The following AKT2 variants were observed in gnomAD, a reference collection of about 807,000 sequenced individuals.
AKT2 encodes the protein AKT serine/threonine kinase 2.
In AKT2, 16 loss-of-function variants were observed where a neutral mutation model predicts 58.6. The observed-to-expected ratio is 0.27, with a 90% confidence interval of 0.18 to 0.41. AKT2 has a LOEUF of 0.41. AKT2 is among the 10% of genes least tolerant of loss of function. The probability of loss-of-function intolerance (pLI) is 1.00; values close to 1 mark genes in which losing one functional copy is unlikely to be tolerated. For missense variants in AKT2, 438 were observed against 661.0 expected, an observed-to-expected ratio of 0.66 and a Z score of 3.70; for synonymous variants, 253 against 254.0, an observed-to-expected ratio of 1.00 and a Z score of 0.04.
intron 6 of AKT2, chr19:40,241,525 G>T: frequency 3.7e-6 from 1 of 266,774 alleles, no homozygotes; most frequent in Admixed American, 5.0e-5. Context: ...TTAAATTTTT[G>T]AATGTCTTTG....
At chr19:40,255,022 G>C (rs1975436146) in intron 4 of AKT2, 136 bp downstream of exon 4, 20 of 701,230 alleles carry the variant, frequency 2.9e-5, no homozygotes, top group South Asian at 2.8e-4. Flanking sequence ...GCCCCAGCTG[G>C]AGAGACCCCC....
chr19:40,267,465 T>G (rs1976439259), intron 1 of AKT2, among the ~76,000 whole-genome samples: 1 of 152,108 alleles, frequency 6.6e-6, no homozygotes, highest in Non-Finnish European at 1.5e-5. Context: ...CTTCTGGGCG[T>G]TCTTCTCTCT....
In AKT2 at chr19:40,238,231, C is replaced by T; in HGVS notation, c.709-140G>A. The T allele has an allele frequency of 4.2e-6, 5 of 1,182,976 alleles. No homozygotes were observed. The South Asian group carries it at 7.1e-5, about 17-fold the overall frequency. 73.3% of individuals were successfully genotyped at this position (1,182,976 alleles called of 1,614,324 possible). On this transcript the variant is annotated intron_variant, in intron 8 of 13. Coordinates refer to ENST00000392038, the MANE Select transcript of AKT2 (RefSeq NM_001626.6). This position sits in a 1 kb window ranked among gnomAD's most constrained non-coding sequence, Gnocchi z 5.1. ...GCAAGTGACAGCTAGAGGGACCAAT[C>T]AAGGCAGAGCGCAGAAGCTCATAAG... is the stretch of plus-strand genomic sequence containing the variant.
rs551242369 is a variant in AKT2 at position 40,234,650 on chromosome 19, C to T, written c.1366+395G>A. The T allele has an allele frequency of 1.0e-3, 575 of 555,494 alleles. 5 individuals carry two copies. The South Asian group carries it at 0.014, about 13-fold the overall frequency. 34.4% of individuals were successfully genotyped at this position (555,494 alleles called of 1,614,324 possible). ...CGCCCTAGCCCTGACCACTCCAGGC[C>T]GCCCACCCTACCTGGGCTGGGAGCT... On this transcript the variant is annotated intron_variant, in intron 13 of 13. Transcript: ENST00000392038. This position sits in a 1 kb window ranked among gnomAD's most constrained non-coding sequence, Gnocchi z 4.7.
rs1410444072 is a variant in AKT2 at position 40,235,778 on chromosome 19, G to A, written c.1175+112C>T. On this transcript the variant is annotated intron_variant, in intron 11 of 13. Transcript: ENST00000392038. This position sits in a 1 kb window ranked among gnomAD's most constrained non-coding sequence, Gnocchi z 6.3. ...ACGTTTTCAGGGGCTGTGTGGGGAC[G>A]ACACACTGCGACCCTACAAGCGAGC... is the stretch of plus-strand genomic sequence containing the variant. The A allele has an allele frequency of 3.2e-5, 36 of 1,137,832 alleles. No homozygotes were observed. Among genetic ancestry groups the A allele is most frequent in the Middle Eastern group, 2.9e-4 (1 of 3,394 alleles). 70.5% of individuals were successfully genotyped at this position (1,137,832 alleles called of 1,614,324 possible). A position where few individuals can be genotyped will look rare whatever the true frequency, so the allele number is the denominator to read the frequency against.
chr19:40,231,642 G>A lies in AKT2; in HGVS notation c.*2230C>T, dbSNP rs940169054. On this transcript the variant is annotated 3_prime_UTR_variant, in exon 14 of 14. Transcript: ENST00000392038. The stretch of plus-strand genomic sequence containing the variant: ...GCTCAGCAGGGCAGGCCAGGGCTCT[G>A]GTCCCTGGTCCCTTGCTGGGGGAGG... 8.6e-6 allele frequency: 2 copies of A among 233,280 alleles called. No homozygotes were observed. Among genetic ancestry groups the A allele is most frequent in the Non-Finnish European group, 1.7e-5 (2 of 118,128 alleles). The allele number at this position is 233,280 out of a possible 1,614,324, so 14.5% of individuals were successfully genotyped here. A position where few individuals can be genotyped will look rare whatever the true frequency, so the allele number is the denominator to read the frequency against.
intron 1 of AKT2, among the ~76,000 whole-genome samples, chr19:40,281,202 G>A (rs749489559): frequency 2.0e-5 from 3 of 152,172 alleles, no homozygotes; most frequent in Non-Finnish European, 4.4e-5. Context: ...AGCTGTGGTG[G>A]GCTGGGAACC....
At position 40,238,880 on chromosome 19, in the gene AKT2, C is replaced by A. The variant is rs1244598432; in HGVS notation, c.708+25G>T. On this transcript the variant is annotated intron_variant, in intron 8 of 13. Coordinates refer to ENST00000392038, the MANE Select transcript of AKT2 (RefSeq NM_001626.6). The surrounding 1 kb of genome is among the most constrained non-coding windows in gnomAD (Gnocchi z 5.1). ...CCCTAAAGAAGGAGGCCCCAGAGGG[C>A]AAAGTCAAGGCAGCCGCGGCTCACC... 2 of 1,613,676 alleles carry A rather than the reference C, an allele frequency of 1.2e-6. No individual in the cohort carries two copies. Among genetic ancestry groups the A allele is most frequent in the Non-Finnish European group, 1.7e-6 (2 of 1,179,688 alleles).
intron 3 of AKT2, 28 bp downstream of exon 3, chr19:40,256,898 A>G (rs1181597604): frequency 6.2e-7 from 1 of 1,613,610 alleles, no homozygotes; most frequent in African/African-American, 1.3e-5. Context: ...GAGCACCAGA[A>G]CACTGACCCA....
chr19:40,242,726 C>A lies in AKT2; in HGVS notation c.288-39G>T, dbSNP rs17846838. On this transcript the variant is annotated intron_variant, in intron 4 of 13. Coordinates refer to ENST00000392038, the MANE Select transcript of AKT2 (RefSeq NM_001626.6). This position sits in a 1 kb window ranked among gnomAD's most constrained non-coding sequence, Gnocchi z 4.3. ...CACGTGAGTCCCAGCAGCCAGGAGT[C>A]CTGGGCCTCAGAGTCGAACAGCTGA... is the stretch of plus-strand genomic sequence containing the variant. 201 of 1,605,250 alleles carry A rather than the reference C, an allele frequency of 1.3e-4. 2 individuals are homozygous for A. In the East Asian group the frequency reaches 3.2e-3, roughly 25 times the overall value.
intron 1 of AKT2, among the ~76,000 whole-genome samples, chr19:40,277,265 T>C (rs1353873678): frequency 6.6e-6 from 1 of 152,190 alleles, no homozygotes; most frequent in Non-Finnish European, 1.5e-5. Context: ...ATTTCCAACA[T>C]GCCCCTACTA....
intron 4 of AKT2, among the ~76,000 whole-genome samples, chr19:40,244,627 A>C (rs1393534556): frequency 1.3e-5 from 2 of 152,198 alleles, no homozygotes; most frequent in Non-Finnish European, 2.9e-5. Flanking sequence ...AAATACTCAT[A>C]TGACCAACAA....
At chr19:40,282,753 T>C (rs1272621234) in intron 1 of AKT2, 2 of 321,074 alleles carry the variant, frequency 6.2e-6, no homozygotes, top group African/African-American at 4.5e-5. Flanking sequence ...AGGCAATTCT[T>C]CCTCTGAACT....
intron 1 of AKT2, among the ~76,000 whole-genome samples, chr19:40,280,324 C>T (rs1299647635): frequency 6.6e-6 from 1 of 152,208 alleles, no homozygotes; most frequent in Non-Finnish European, 1.5e-5. Flanking sequence ...CTAAAAGTAA[C>T]AGCCACGGGC....
At position 40,242,349 on chromosome 19, in the gene AKT2, C is replaced by T. The variant is rs939858916; in HGVS notation, c.441+185G>A. Reference sequence around the variant, plus strand: ...TGCAGTGGGTCCACCCAAGGTTGCTCCCTCCCCTACGGGCATGGAGCACAC... The same window carrying T: ...TGCAGTGGGTCCACCCAAGGTTGCTTCCTCCCCTACGGGCATGGAGCACAC... On this transcript the variant is annotated intron_variant, in intron 5 of 13. Transcript: ENST00000392038. This position sits in a 1 kb window ranked among gnomAD's most constrained non-coding sequence, Gnocchi z 4.3. 2.4e-5 allele frequency: 25 copies of T among 1,025,298 alleles called. No homozygotes were observed. In the East Asian group the frequency reaches 6.0e-4, roughly 25 times the overall value. The allele number at this position is 1,025,298 out of a possible 1,614,324, so 63.5% of individuals were successfully genotyped here.
At chr19:40,272,521 CCT>C (rs909921127) in intron 1 of AKT2, among the ~76,000 whole-genome samples, 1 of 152,186 alleles carries the variant, frequency 6.6e-6, no homozygotes, top group African/African-American at 2.4e-5. Context: ...AGGCGGGATG[CCT>C]TTTCTGAAAC....
Position 40,233,597 on chromosome 19 carries a change from A to C in AKT2, c.*275T>G. 2.8e-6 allele frequency: 2 copies of C among 716,842 alleles called. No individual in the cohort carries two copies. Among genetic ancestry groups the C allele is most frequent in the East Asian group, 2.6e-5 (1 of 37,758 alleles). The allele number at this position is 716,842 out of a possible 1,614,324, so 44.4% of individuals were successfully genotyped here. On this transcript the variant is annotated 3_prime_UTR_variant, in exon 14 of 14. Coordinates refer to ENST00000392038, the MANE Select transcript of AKT2 (RefSeq NM_001626.6). The surrounding 1 kb of genome is among the most constrained non-coding windows in gnomAD (Gnocchi z 4.3). Reference sequence around the variant, plus strand: ...CCCCTCACTGGGGCTTGTGTGGATTAAAACCTGAATCTCCAACCGCCCAAC... The same window carrying C: ...CCCCTCACTGGGGCTTGTGTGGATTCAAACCTGAATCTCCAACCGCCCAAC...
At chr19:40,274,601 G>A (rs1000110581) in intron 1 of AKT2, 2 of 183,320 alleles carry the variant, frequency 1.1e-5, no homozygotes, top group Non-Finnish European at 2.4e-5. Flanking sequence ...AAAGGGAGCA[G>A]GGGTTTCCGA....
rs916688993 is a variant in AKT2, at chr19:40,242,758, C to T, written c.288-71G>A. On this transcript the variant is annotated intron_variant, in intron 4 of 13. Transcript: ENST00000392038. The surrounding 1 kb of genome is among the most constrained non-coding windows in gnomAD (Gnocchi z 4.3). ...CTCAGAGTCGAACAGCTGAGTGCCA[C>T]CTCCCAGCCACCCCCAGCAACAGGC... The T allele has an allele frequency of 1.3e-6, 2 of 1,546,436 alleles. No individual in the cohort carries two copies. The highest frequency in any genetic ancestry group is 2.7e-5 in the African/African-American group (2 of 73,572).
Sources: gnomAD v4.1 joint callset for allele counts (sites outside exome capture counted in the v4.1 genomes callset) on GRCh38, gnomAD v4.1.1 for gene constraint, Gnocchi (gnomAD v3.1) non-coding constraint, MANE v1.5 for transcripts, NCBI Gene and HGNC (gene_info 2026-07-23, HGNC 2026-07-21) for gene names.